DNAH11: variants seen among roughly 807,000 people sequenced by gnomAD.
DNAH11 encodes the protein dynein axonemal heavy chain 11.
Under a neutral mutation model 526.0 loss-of-function variants are expected in DNAH11, and 442 were observed. That is an observed-to-expected ratio of 0.84 (90% CI 0.78 to 0.91). The LOEUF (loss-of-function observed/expected upper bound fraction) is 0.91. Ranked by LOEUF, DNAH11 falls within the 40% of genes least tolerant of loss-of-function variation. The probability of loss-of-function intolerance (pLI) is 0.00; values close to 1 mark genes in which losing one functional copy is unlikely to be tolerated. For synonymous variants in DNAH11, 2,461 were observed against 1,935.9 expected (o/e 1.27, Z -7.12); for missense variants, 6,989 against 5,448.7 (o/e 1.28, Z -8.90).
chr7:21,549,871 T>G (rs948329265), intron 2 of DNAH11, among the ~76,000 whole-genome samples: 2 of 152,188 alleles, frequency 1.3e-5, no homozygotes, highest in Non-Finnish European at 1.5e-5. Context: ...TTTCTGATTT[T>G]CCACATTCCC....
chr7:21,867,818 C>A, intron 71 of DNAH11, 41 bp from the exon 72 acceptor site: 1 of 1,537,154 alleles, frequency 6.5e-7, no homozygotes, highest in South Asian at 1.2e-5. Flanking sequence ...TTTTCAAGGT[C>A]AAAACCACTG....
chr7:21,875,830 G>T (rs369192117), intron 74 of DNAH11, among the ~76,000 whole-genome samples: 1 of 146,958 alleles, frequency 6.8e-6, no homozygotes, highest in African/African-American at 2.5e-5. Context: ...TTAATTGAAG[G>T]TTACTTTTAT....
intron 3 of DNAH11, 44 bp downstream of exon 3, chr7:21,559,042 C>A: frequency 6.6e-7 from 1 of 1,504,998 alleles, no homozygotes; most frequent in Non-Finnish European, 9.0e-7. Flanking sequence ...AGTAGAGAGC[C>A]AGGCCAGCAC....
Position 21,617,633 on chromosome 7 carries a change from C to A in DNAH11, c.4110C>A (p.Leu1370=), listed in dbSNP as rs1785838306. 7 of 1,613,740 alleles carry A rather than the reference C, an allele frequency of 4.3e-6. No individual in the cohort carries two copies. Among genetic ancestry groups the A allele is most frequent in the Non-Finnish European group, 5.9e-6 (7 of 1,179,764 alleles). ...LRRFAKEIWS[L]NKEVRVWDAY... is the part of the protein sequence containing the mutation. Reference sequence around the variant, plus strand: ...CTTTTCTTTAGGAAATTTGGTCACTCAACAAGGAAGTCCGCGTCTGGGATG... The same window carrying A: ...CTTTTCTTTAGGAAATTTGGTCACTAAACAAGGAAGTCCGCGTCTGGGATG... The change falls in exon 23 of 82, where the codon CTC becomes CTA. Residue 1370 remains leucine (L), a synonymous_variant. Transcript: ENST00000409508.
At chr7:21,667,632 G>A (rs1376603679) in intron 30 of DNAH11, among the ~76,000 whole-genome samples, 1 of 152,074 alleles carries the variant, frequency 6.6e-6, no homozygotes, top group Non-Finnish European at 1.5e-5. Context: ...ATTTCAATAT[G>A]ATCCATTAAC....
At chr7:21,724,740 A>ATGTAG (rs1264294576) in intron 44 of DNAH11, among the ~76,000 whole-genome samples, 1 of 30,740 alleles carries the variant, frequency 3.3e-5, no homozygotes, top group Non-Finnish European at 6.7e-5. Context: ...TATGAATATA[A>ATGTAG]GAGTCACTGG....
chr7:21,871,603 T>C (rs1471499403), intron 73 of DNAH11, among the ~76,000 whole-genome samples: 6 of 152,248 alleles, frequency 3.9e-5, no homozygotes, highest in Non-Finnish European at 8.8e-5. Flanking sequence ...CAGGTTTTAT[T>C]ATTGTTTCTG....
chr7:21,901,577 AAAAGTACATCAT>A lies in DNAH11; in HGVS notation c.*327_*338del. The A allele has an allele frequency of 5.4e-6, 1 of 186,742 alleles. No individual in the cohort carries two copies. The highest frequency in any genetic ancestry group is 1.1e-5 in the Non-Finnish European group (1 of 91,502). The allele number at this position is 186,742 out of a possible 1,614,324, so 11.6% of individuals were successfully genotyped here. On this transcript the variant is annotated 3_prime_UTR_variant, in exon 82 of 82. Transcript: ENST00000409508. ...GAACAAGACTCCATCTCAAAAAAAA[AAAAGTACATCAT>A]AAAAGTACATCATATGTGAACATGC...
At chr7:21,551,883 A>C (rs1277658326) in intron 2 of DNAH11, among the ~76,000 whole-genome samples, 2 of 152,040 alleles carry the variant, frequency 1.3e-5, no homozygotes, top group African/African-American at 2.4e-5. Flanking sequence ...TTTAACTACT[A>C]TGGCTTCATA....
chr7:21,774,714 T>TG (rs1787595032), intron 56 of DNAH11, among the ~76,000 whole-genome samples: 2 of 152,334 alleles, frequency 1.3e-5, no homozygotes, highest in South Asian at 4.1e-4. Context: ...TGTGTTGCTC[T>TG]GATGCCCATG....
intron 30 of DNAH11, among the ~76,000 whole-genome samples, chr7:21,680,084 T>G (rs1434232403): frequency 6.6e-6 from 1 of 152,352 alleles, no homozygotes; most frequent in East Asian, 1.9e-4. Flanking sequence ...GTTACAGTTA[T>G]CTCTTCCTCC....
chr7:21,789,666 C>T (rs1174549392), intron 61 of DNAH11, among the ~76,000 whole-genome samples: 4 of 152,264 alleles, frequency 2.6e-5, no homozygotes, highest in Admixed American at 6.5e-5. Flanking sequence ...CTTGGCTCCA[C>T]TGTTTACTGT....
intron 28 of DNAH11, among the ~76,000 whole-genome samples, chr7:21,652,064 C>G (rs540735762): frequency 2.2e-4 from 34 of 152,120 alleles, no homozygotes; most frequent in African/African-American, 8.0e-4. Context: ...ATTGATAATG[C>G]TAGAAGCAAA....
chr7:21,870,640 G>A (rs570066248), intron 73 of DNAH11, among the ~76,000 whole-genome samples: 37 of 152,254 alleles, frequency 2.4e-4, no homozygotes, highest in Middle Eastern at 3.4e-3. Context: ...TCAAAAGAAC[G>A]TATTCAAAAT....
intron 65 of DNAH11, among the ~76,000 whole-genome samples, chr7:21,830,332 G>T (rs1790495764): frequency 6.6e-6 from 1 of 152,176 alleles, no homozygotes. Context: ...ATAGATCTCA[G>T]ATGAGGATTT....
intron 79 of DNAH11, among the ~76,000 whole-genome samples, chr7:21,898,186 G>A (rs1392231959): frequency 6.6e-6 from 1 of 152,196 alleles, no homozygotes; most frequent in African/African-American, 2.4e-5. Context: ...AACATTTTGA[G>A]AGAAATGTCT....
intron 5 of DNAH11, among the ~76,000 whole-genome samples, chr7:21,562,015 G>C (rs1448922061): frequency 6.6e-6 from 1 of 151,520 alleles, no homozygotes; most frequent in African/African-American, 2.4e-5. Flanking sequence ...GAGGGCATAA[G>C]ATAAGGAGGA....
At chr7:21,707,954 A>C in intron 40 of DNAH11, 119 bp downstream of exon 40, 1 of 1,047,242 alleles carries the variant, frequency 9.5e-7, no homozygotes, top group Non-Finnish European at 1.3e-6. Context: ...GCATTATTGG[A>C]AATATAGCAG....
chr7:21,602,557 T>TTGTGTG (rs60703018), intron 18 of DNAH11, among the ~76,000 whole-genome samples: 243 of 149,124 alleles, frequency 1.6e-3, no homozygotes, highest in African/African-American at 5.4e-3. Context: ...ATTTTATAGA[T>TTGTGTG]TGTGTGTGTG....
Sources: allele counts gnomAD v4.1 joint callset (sites outside exome capture counted in the v4.1 genomes callset), GRCh38; gene constraint gnomAD v4.1.1; transcripts MANE v1.5; gene names NCBI Gene and HGNC (gene_info 2026-07-23, HGNC 2026-07-21).